The following PCED1B variants were observed in gnomAD, a reference collection of about 807,000 sequenced individuals.
PCED1B encodes PC-esterase domain-containing protein 1B.
For missense variants in PCED1B, 573 were observed against 573.9 expected, an observed-to-expected ratio of 1.00 and a Z score of 0.02; for synonymous variants, 251 against 246.1, an observed-to-expected ratio of 1.02 and a Z score of -0.19.
intron 2 of PCED1B, among the ~76,000 whole-genome samples, chr12:47,119,705 G>A (rs1056890755): frequency 2.0e-5 from 3 of 151,438 alleles, no homozygotes; most frequent in African/African-American, 4.8e-5. Context: ...TAGGCCGGGC[G>A]TGGTGGCTCA....
At chr12:47,107,471 G>A (rs774515529) in intron 2 of PCED1B, among the ~76,000 whole-genome samples, 11 of 152,254 alleles carry the variant, frequency 7.2e-5, no homozygotes, top group Non-Finnish European at 1.3e-4. Flanking sequence ...GTAAAGTGGG[G>A]TGAACATGTT....
chr12:47,160,300 T>C (rs1323844458), intron 2 of PCED1B, among the ~76,000 whole-genome samples: 25 of 130,340 alleles, frequency 1.9e-4, no homozygotes, highest in African/African-American at 5.2e-4. Flanking sequence ...TTTCTTTTTT[T>C]TTTTTTTTTT....
intron 1 of PCED1B, among the ~76,000 whole-genome samples, chr12:47,097,777 G>A (rs767312185): frequency 2.6e-5 from 4 of 152,060 alleles, no homozygotes; most frequent in Non-Finnish European, 4.4e-5. Flanking sequence ...TACAGTTTTC[G>A]GATGAATGAA....
chr12:47,093,276 T>C lies in PCED1B; in HGVS notation c.-608-10837T>C, dbSNP rs532966634. Among the ~76,000 whole-genome samples, 3 of 152,114 alleles carry C rather than the reference T, an allele frequency of 2.0e-5. No individual in the cohort carries two copies. In the South Asian group the frequency reaches 6.2e-4, roughly 32 times the overall value. The stretch of plus-strand genomic sequence containing the variant: ...TGTCAAATTTATCAGCATAAATTTG[T>C]TTTAAGTTTCCTTTTATTGTCCTTT... On this transcript the variant is annotated intron_variant, in intron 1 of 3. Coordinates refer to ENST00000546455, the MANE Select transcript of PCED1B (RefSeq NM_138371.3).
At chr12:47,173,212 T>G (rs1278980943) in intron 2 of PCED1B, among the ~76,000 whole-genome samples, 1 of 152,190 alleles carries the variant, frequency 6.6e-6, no homozygotes, top group African/African-American at 2.4e-5. Flanking sequence ...AAACCTGATA[T>G]GTAACTTAAA....
chr12:47,225,024 C>G (rs1354075398), intron 3 of PCED1B, among the ~76,000 whole-genome samples: 1 of 152,146 alleles, frequency 6.6e-6, no homozygotes, highest in African/African-American at 2.4e-5. Flanking sequence ...CTCCACCTCC[C>G]AGGTTCAAAT....
At chr12:47,168,495 CTTA>C (rs1941617721) in intron 2 of PCED1B, among the ~76,000 whole-genome samples, 1 of 152,026 alleles carries the variant, frequency 6.6e-6, no homozygotes, top group Non-Finnish European at 1.5e-5. Context: ...TGCTCTTTTA[CTTA>C]TTATTTTGCT....
chr12:47,097,723 G>C (rs968779517), intron 1 of PCED1B, among the ~76,000 whole-genome samples: 1 of 152,146 alleles, frequency 6.6e-6, no homozygotes, highest in African/African-American at 2.4e-5. Context: ...GAGGCTATAC[G>C]ACTCTTCTGC....
At chr12:47,211,618 C>G (rs1247883078) in intron 2 of PCED1B, among the ~76,000 whole-genome samples, 2 of 133,698 alleles carry the variant, frequency 1.5e-5, no homozygotes, top group East Asian at 2.3e-4. Flanking sequence ...CGCACCACTG[C>G]ACTCTACTAT....
At chr12:47,160,889 T>A (rs1042180417) in intron 2 of PCED1B, among the ~76,000 whole-genome samples, 3 of 152,176 alleles carry the variant, frequency 2.0e-5, no homozygotes, top group Admixed American at 2.0e-4. Flanking sequence ...GTTCTTGCAG[T>A]AGTGAGTGTG....
At chr12:47,132,452 A>G (rs1011826162) in intron 2 of PCED1B, among the ~76,000 whole-genome samples, 1 of 152,192 alleles carries the variant, frequency 6.6e-6, no homozygotes, top group Non-Finnish European at 1.5e-5. Flanking sequence ...CTATGGGGGA[A>G]TTAAACGGCT....
At chr12:47,202,591 T>C (rs1371778776) in intron 2 of PCED1B, among the ~76,000 whole-genome samples, 1 of 99,268 alleles carries the variant, frequency 1.0e-5, no homozygotes, top group Non-Finnish European at 2.0e-5. Context: ...GTCTAGACAT[T>C]AGTAAAAAAA....
intron 2 of PCED1B, among the ~76,000 whole-genome samples, chr12:47,104,630 C>T (rs1432483300): frequency 6.6e-6 from 1 of 152,098 alleles, no homozygotes; most frequent in Non-Finnish European, 1.5e-5. Context: ...TATGTTGTAC[C>T]CTGGAGGGAA....
At chr12:47,112,052 C>A (rs1460870227) in intron 2 of PCED1B, among the ~76,000 whole-genome samples, 1 of 152,180 alleles carries the variant, frequency 6.6e-6, no homozygotes, top group Non-Finnish European at 1.5e-5. Context: ...AACCCCCAGC[C>A]CACGCGAGCT....
intron 2 of PCED1B, among the ~76,000 whole-genome samples, chr12:47,187,640 G>T (rs974081885): frequency 1.3e-5 from 2 of 152,102 alleles, no homozygotes; most frequent in South Asian, 4.1e-4. Context: ...AATGAACTCA[G>T]CACCAAGGGC....
chr12:47,171,065 C>CTTTTT (rs71437788), intron 2 of PCED1B, among the ~76,000 whole-genome samples: 3 of 121,334 alleles, frequency 2.5e-5, no homozygotes, highest in Non-Finnish European at 3.4e-5. Context: ...GCCAGGTTAC[C>CTTTTT]TTTTTTTTTT....
chr12:47,220,416 C>A (rs1001502191), intron 3 of PCED1B, among the ~76,000 whole-genome samples: 2 of 152,198 alleles, frequency 1.3e-5, no homozygotes, highest in African/African-American at 4.8e-5. Context: ...AGGTGATCCA[C>A]CCACCTCGGC....
chr12:47,140,463 G>A (rs1940552096), intron 2 of PCED1B, among the ~76,000 whole-genome samples: 1 of 152,146 alleles, frequency 6.6e-6, no homozygotes, highest in Admixed American at 6.5e-5. Flanking sequence ...ATATATCAAA[G>A]TGTCAGGGAC....
intron 2 of PCED1B, among the ~76,000 whole-genome samples, chr12:47,139,856 T>C (rs1222556083): frequency 6.6e-6 from 1 of 152,116 alleles, no homozygotes; most frequent in Admixed American, 6.5e-5. Context: ...AGAGTGTATA[T>C]ATGCAGTATG....
Sources: gnomAD v4.1 joint callset for allele counts (sites outside exome capture counted in the v4.1 genomes callset) on GRCh38, gnomAD v4.1.1 for gene constraint, MANE v1.5 for transcripts, NCBI Gene and HGNC (gene_info 2026-07-23, HGNC 2026-07-21) for gene names.